Variants in ACYP2 observed in about 807,000 individuals in gnomAD.
The protein encoded by ACYP2 is acylphosphatase 2.
Under a neutral mutation model 11.2 loss-of-function variants are expected in ACYP2, and 12 were observed. That is an observed-to-expected ratio of 1.08 (90% CI 0.69 to 1.74). The LOEUF is 1.74. Ranked by LOEUF, ACYP2 falls within the 40% of genes most tolerant of loss-of-function variation. ACYP2 has a pLI of 0.00. For synonymous variants in ACYP2, 43 were observed against 32.2 expected (o/e 1.33, Z -1.13); for missense variants, 134 against 101.9 (o/e 1.31, Z -1.35).
At chr2:54,232,780 C>T (rs192721105) in intron 6 of ACYP2, among the ~76,000 whole-genome samples, 1 of 152,054 alleles carries the variant, frequency 6.6e-6, no homozygotes, top group Non-Finnish European at 1.5e-5. Context: ...AAGTGCCACA[C>T]TTTTAAACCA....
chr2:54,058,709 ATTT>A (rs58430648), intron 4 of ACYP2, among the ~76,000 whole-genome samples: 8 of 135,274 alleles, frequency 5.9e-5, no homozygotes, highest in East Asian at 2.1e-4. Context: ...CTGGCTGATA[ATTT>A]TTTTTTTTTT....
chr2:54,146,428 C>G (rs142314608), intron 6 of ACYP2, among the ~76,000 whole-genome samples: 43 of 150,092 alleles, frequency 2.9e-4, no homozygotes, highest in Middle Eastern at 3.4e-3. Context: ...TCTGTATGGA[C>G]CTGATCCTCT....
Position 54,177,897 on chromosome 2 carries a change from CTTTCTTTAT to C in ACYP2, c.404+39153_404+39161del, listed in dbSNP as rs1162082570. Among the ~76,000 whole-genome samples, 359 of 112,090 alleles carry C rather than the reference CTTTCTTTAT, an allele frequency of 3.2e-3. 1 individual carries two copies. Among genetic ancestry groups the C allele is most frequent in the Admixed American group, 4.6e-3 (51 of 11,148 alleles). The allele number at this position is 112,090 out of a possible 152,430, so 73.5% of individuals were successfully genotyped here. A position where few individuals can be genotyped will look rare whatever the true frequency, so the allele number is the denominator to read the frequency against. On this transcript the variant is annotated intron_variant, in intron 6 of 6. Coordinates refer to ENST00000607452, the MANE Select transcript of ACYP2 (RefSeq NM_001320586.2). The stretch of plus-strand genomic sequence containing the variant: ...GTCCGGCCTCCTGTTTCTTTTCTTT[CTTTCTTTAT>C]TTTTTTTTTTTTTTTTGAGATGGAG...
intron 6 of ACYP2, among the ~76,000 whole-genome samples, chr2:54,236,709 A>T (rs1018290381): frequency 1.3e-5 from 2 of 152,190 alleles, no homozygotes; most frequent in Non-Finnish European, 2.9e-5. Context: ...ATACGTAAAA[A>T]GTATTGTTCA....
intron 4 of ACYP2, among the ~76,000 whole-genome samples, chr2:54,088,259 G>C (rs773879997): frequency 6.6e-6 from 1 of 152,182 alleles, no homozygotes; most frequent in African/African-American, 2.4e-5. Flanking sequence ...GAGAGAGAAA[G>C]CCAGCATGAG....
chr2:54,225,128 T>A (rs538307801), intron 6 of ACYP2, among the ~76,000 whole-genome samples: 1 of 152,316 alleles, frequency 6.6e-6, no homozygotes, highest in South Asian at 2.1e-4. Flanking sequence ...TACAGTGTGC[T>A]GAGTGCCATG....
rs181048937 is a variant in ACYP2 at position 53,986,159 on chromosome 2, A to G, written c.62+12349A>G. On this transcript the variant is annotated intron_variant, in intron 2 of 6. Coordinates refer to ENST00000607452, the MANE Select transcript of ACYP2 (RefSeq NM_001320586.2). ...ATAATAATAATAAAAATAAATAAAT[A>G]AAATAAAATAGCCTGGCACCTTCCC... is the stretch of plus-strand genomic sequence containing the variant. Among the ~76,000 whole-genome samples the G allele has an allele frequency of 2.0e-3, 302 of 151,840 alleles. 2 individuals are homozygous for G. The highest frequency in any genetic ancestry group is 6.8e-3 in the Middle Eastern group (2 of 294).
At chr2:54,260,798 G>A (rs551061978) in intron 6 of ACYP2, among the ~76,000 whole-genome samples, 4 of 152,152 alleles carry the variant, frequency 2.6e-5, no homozygotes, top group Non-Finnish European at 5.9e-5. Flanking sequence ...TGAGCCAACA[G>A]GCCAGGATGG....
intron 4 of ACYP2, among the ~76,000 whole-genome samples, chr2:54,082,276 C>T: frequency 6.7e-6 from 1 of 148,914 alleles, no homozygotes; most frequent in East Asian, 2.0e-4. Context: ...GATGAAGTCT[C>T]ACTCTATCGC....
At chr2:54,289,734 T>C (rs1455140308) in intron 6 of ACYP2, among the ~76,000 whole-genome samples, 1 of 151,830 alleles carries the variant, frequency 6.6e-6, no homozygotes, top group Non-Finnish European at 1.5e-5. Context: ...TGAGCCTCCC[T>C]ATGAACTGAG....
chr2:54,206,060 T>C (rs570166059), intron 6 of ACYP2, among the ~76,000 whole-genome samples: 4 of 152,362 alleles, frequency 2.6e-5, no homozygotes, highest in Admixed American at 6.5e-5. Context: ...TGCCTAGTAC[T>C]GATGCATTCT....
intron 6 of ACYP2, among the ~76,000 whole-genome samples, chr2:54,229,882 C>T (rs1686160130): frequency 6.6e-6 from 1 of 152,150 alleles, no homozygotes; most frequent in Non-Finnish European, 1.5e-5. Flanking sequence ...TGGCATTTGT[C>T]ATGTTCTGTC....
At chr2:54,120,530 G>GCAC (rs1035456405) in intron 4 of ACYP2, among the ~76,000 whole-genome samples, 1 of 152,046 alleles carries the variant, frequency 6.6e-6, no homozygotes, top group Non-Finnish European at 1.5e-5. Flanking sequence ...TTTTGACTGA[G>GCAC]TTTTTTTAGA....
chr2:54,294,908 C>A (rs1457650035), intron 6 of ACYP2, among the ~76,000 whole-genome samples: 1 of 122,752 alleles, frequency 8.1e-6, no homozygotes, highest in Non-Finnish European at 1.7e-5. Flanking sequence ...AGAGTAAGAT[C>A]CTGTCTCTTA....
At chr2:54,140,552 GCA>G (rs950576670) in intron 6 of ACYP2, among the ~76,000 whole-genome samples, 2 of 144,952 alleles carry the variant, frequency 1.4e-5, no homozygotes, top group African/African-American at 5.1e-5. Flanking sequence ...ACACACACTT[GCA>G]CACACACACT....
intron 6 of ACYP2, among the ~76,000 whole-genome samples, chr2:54,293,868 G>A (rs1180747363): frequency 1.3e-5 from 2 of 152,148 alleles, no homozygotes; most frequent in Non-Finnish European, 2.9e-5. Context: ...GATAATAAAG[G>A]AGTCTATGGT....
At chr2:54,238,851 C>T (rs1399701283) in intron 6 of ACYP2, among the ~76,000 whole-genome samples, 1 of 151,434 alleles carries the variant, frequency 6.6e-6, no homozygotes, top group East Asian at 2.0e-4. Context: ...AGTACAAAGG[C>T]TAAAACTGAT....
At chr2:54,299,596 AAAAAAAAAAAAAG>A (rs1291054753) in intron 6 of ACYP2, among the ~76,000 whole-genome samples, 2 of 150,832 alleles carry the variant, frequency 1.3e-5, no homozygotes, top group Admixed American at 1.3e-4. Flanking sequence ...TGTCTCAAAA[AAAAAAAAAAAAAG>A]AAAAGAAAAA....
At chr2:54,262,927 G>C (rs1049330511) in intron 6 of ACYP2, among the ~76,000 whole-genome samples, 2 of 152,120 alleles carry the variant, frequency 1.3e-5, no homozygotes, top group Admixed American at 6.5e-5. Flanking sequence ...GTATGTGATA[G>C]AAGGTTTAGA....
Sources: allele counts gnomAD v4.1 joint callset (sites outside exome capture counted in the v4.1 genomes callset), GRCh38; gene constraint gnomAD v4.1.1; transcripts MANE v1.5; gene names NCBI Gene and HGNC (gene_info 2026-07-23, HGNC 2026-07-21).